The following TMEM132B variants were observed in gnomAD, a reference collection of about 807,000 sequenced individuals.
TMEM132B encodes the protein transmembrane protein 132B.
A neutral mutation model predicts 90.8 loss-of-function variants in TMEM132B; 18 were observed. The observed-to-expected ratio is 0.20, with a 90% CI of 0.14 to 0.29. The LOEUF (loss-of-function observed/expected upper bound fraction) is 0.29. Ranked by LOEUF, TMEM132B falls within the 10% of genes least tolerant of loss-of-function variation. TMEM132B has a pLI of 1.00. For missense variants in TMEM132B, 1,096 were observed against 1,326.8 expected, an observed-to-expected ratio of 0.83 and a Z score of 2.70; for synonymous variants, 504 against 523.3, an observed-to-expected ratio of 0.96 and a Z score of 0.50.
At chr12:125,433,898 G>A (rs74419131) in intron 3 of TMEM132B, among the ~76,000 whole-genome samples, 2,512 of 151,990 alleles carry the variant, frequency 0.017, 71 homozygotes, top group African/African-American at 0.058. Flanking sequence ...GTGTTATTTC[G>A]CCTTGGAAGG....
chr12:125,198,339 A>G (rs1872975515), intron 1 of TMEM132B, among the ~76,000 whole-genome samples: 1 of 151,760 alleles, frequency 6.6e-6, no homozygotes, highest in Non-Finnish European at 1.5e-5. Context: ...GGGGCTTAAC[A>G]CTCTCCTAAT....
chr12:125,586,494 A>G (rs901126385), intron 5 of TMEM132B: 1 of 152,232 alleles, frequency 6.6e-6, no homozygotes, highest in African/African-American at 2.4e-5. Context: ...GTGGTCAATC[A>G]CAGTCCAAAA....
chr12:125,422,308 C>T (rs1443659681), intron 3 of TMEM132B, among the ~76,000 whole-genome samples: 1 of 152,216 alleles, frequency 6.6e-6, no homozygotes, highest in African/African-American at 2.4e-5. Flanking sequence ...AGCAGTCCGA[C>T]TTTAGAGTCC....
intron 1 of TMEM132B, among the ~76,000 whole-genome samples, chr12:125,206,574 T>C (rs779948910): frequency 2.6e-5 from 4 of 152,150 alleles, no homozygotes; most frequent in Non-Finnish European, 4.4e-5. Context: ...GTCTCTGGTC[T>C]GGCTCCTGGA....
rs538388987 is a variant in TMEM132B, at chr12:125,407,389, G to A, written c.960-8142G>A. Among the ~76,000 whole-genome samples the A allele has an allele frequency of 2.0e-5, 3 of 152,344 alleles. No individual in the cohort carries two copies. The highest frequency in any genetic ancestry group is 4.4e-5 in the Non-Finnish European group (3 of 68,040). On this transcript the variant is annotated intron_variant, in intron 2 of 8. Transcript: ENST00000682704. This position sits in a 1 kb window ranked among gnomAD's most constrained non-coding sequence, Gnocchi z 6.7. ...TTTAGTTCAAAAGTGGCTGGTCTAA[G>A]TAGAAGACAGAAAGATGCAGGTGTG...
chr12:125,384,316 T>A (rs1163058438), intron 2 of TMEM132B, among the ~76,000 whole-genome samples: 2 of 152,242 alleles, frequency 1.3e-5, no homozygotes, highest in Non-Finnish European at 2.9e-5. Flanking sequence ...AGTTTTCTCA[T>A]GTACCCTTAG....
intron 1 of TMEM132B, among the ~76,000 whole-genome samples, chr12:125,282,347 A>C (rs925381019): frequency 6.6e-6 from 1 of 152,090 alleles, no homozygotes; most frequent in African/African-American, 2.4e-5. Flanking sequence ...TCCTCAGCTC[A>C]TCCAGGCTTG....
intron 1 of TMEM132B, among the ~76,000 whole-genome samples, chr12:125,290,797 A>C (rs896813809): frequency 2.0e-5 from 3 of 152,156 alleles, no homozygotes; most frequent in Admixed American, 6.5e-5. Context: ...CAAATGCAAA[A>C]CTTCCTCCAG....
Position 125,302,106 on chromosome 12 carries a change from A to G in TMEM132B, c.68-47346A>G, listed in dbSNP as rs577223463. Among the ~76,000 whole-genome samples the G allele has an allele frequency of 2.8e-4, 42 of 152,178 alleles. No individual in the cohort carries two copies. In the South Asian group the frequency reaches 8.5e-3, roughly 31 times the overall value. ...TCCCAGCTACTCAGGAGGCTGAGGCAAGAGAATTGCTTGAACCTGGGAGGC... is the reference window on the plus strand; with the variant it reads ...TCCCAGCTACTCAGGAGGCTGAGGCGAGAGAATTGCTTGAACCTGGGAGGC... On this transcript the variant is annotated intron_variant, in intron 1 of 8. Transcript: ENST00000682704.
intron 1 of TMEM132B, among the ~76,000 whole-genome samples, chr12:125,249,343 G>A (rs776475856): frequency 9.9e-5 from 15 of 152,218 alleles, no homozygotes; most frequent in Non-Finnish European, 2.1e-4. Context: ...AGGTGCTGCC[G>A]GGTCGAGAAC....
intron 1 of TMEM132B, among the ~76,000 whole-genome samples, chr12:125,304,725 G>A (rs544424392): frequency 7.8e-4 from 119 of 152,254 alleles, no homozygotes; most frequent in South Asian, 1.9e-3. Flanking sequence ...CAACTACTTG[G>A]GGGGCTGAGG....
chr12:125,637,854 G>A (rs1886525356), intron 5 of TMEM132B, among the ~76,000 whole-genome samples: 1 of 152,216 alleles, frequency 6.6e-6, no homozygotes, highest in Admixed American at 6.5e-5. Context: ...GGGGCCAGGA[G>A]AAGAGGGAGC....
Position 125,327,862 on chromosome 12 carries a change from C to A in TMEM132B, c.68-21590C>A, listed in dbSNP as rs577935009. 2.4e-4 allele frequency among the ~76,000 whole-genome samples: 37 copies of A among 152,310 alleles called. 1 individual carries two copies. The South Asian group carries it at 7.5e-3, about 31-fold the overall frequency. On this transcript the variant is annotated intron_variant, in intron 1 of 8. Transcript: ENST00000682704. ...TCTCAGGATATATAAAGCAGGCGGG[C>A]TCTACATAGCTAAGAGTCTGCTTCT...
chr12:125,487,834 T>G (rs1459322144), intron 3 of TMEM132B, among the ~76,000 whole-genome samples: 1 of 152,212 alleles, frequency 6.6e-6, no homozygotes, highest in African/African-American at 2.4e-5. Flanking sequence ...ACCTACTACA[T>G]TTTTTTCAAG....
chr12:125,645,142 C>T (rs565502873), intron 6 of TMEM132B, among the ~76,000 whole-genome samples: 14 of 147,886 alleles, frequency 9.5e-5, no homozygotes, highest in Admixed American at 2.8e-4. Context: ...GGCCTGAACC[C>T]GGGAGGCGGA....
intron 3 of TMEM132B, among the ~76,000 whole-genome samples, chr12:125,515,432 CACAT>C (rs1018689290): frequency 4.0e-5 from 5 of 124,488 alleles, no homozygotes; most frequent in East Asian, 3.9e-4. Flanking sequence ...CACACTCTCA[CACAT>C]ACACACATTC....
At chr12:125,344,466 G>C (rs1369098707) in intron 1 of TMEM132B, among the ~76,000 whole-genome samples, 1 of 152,172 alleles carries the variant, frequency 6.6e-6, no homozygotes, top group Admixed American at 6.5e-5. Context: ...AAGCTGCTGG[G>C]TTAAGCATTA....
At chr12:125,395,825 C>T (rs899655940) in intron 2 of TMEM132B, among the ~76,000 whole-genome samples, 1 of 152,164 alleles carries the variant, frequency 6.6e-6, no homozygotes, top group Non-Finnish European at 1.5e-5. Context: ...CATTAATTGC[C>T]TCTGCATTTC....
At chr12:125,232,300 G>T (rs1258181955) in intron 1 of TMEM132B, among the ~76,000 whole-genome samples, 1 of 151,578 alleles carries the variant, frequency 6.6e-6, no homozygotes, top group Non-Finnish European at 1.5e-5. Context: ...ATTCTTTTTG[G>T]AGCTCTCCAG....
Sources: gnomAD v4.1 joint callset for allele counts (sites outside exome capture counted in the v4.1 genomes callset) on GRCh38, gnomAD v4.1.1 for gene constraint, Gnocchi (gnomAD v3.1) non-coding constraint, MANE v1.5 for transcripts, NCBI Gene and HGNC (gene_info 2026-07-23, HGNC 2026-07-21) for gene names.